PDCD6IP: variants seen among roughly 807,000 people sequenced by gnomAD.
PDCD6IP encodes programmed cell death 6-interacting protein.
A neutral mutation model predicts 103.7 loss-of-function variants in PDCD6IP; 43 were observed. The observed-to-expected ratio is 0.41, with a 90% CI of 0.32 to 0.53. The LOEUF (loss-of-function observed/expected upper bound fraction) is 0.53. Ranked by LOEUF, PDCD6IP falls within the 20% of genes least tolerant of loss-of-function variation. The pLI, the probability that PDCD6IP is intolerant of heterozygous loss-of-function variation, is 0.16. For missense variants in PDCD6IP, 871 were observed against 1,036.7 expected, an observed-to-expected ratio of 0.84 and a Z score of 2.20; for synonymous variants, 354 against 378.7, an observed-to-expected ratio of 0.93 and a Z score of 0.76.
chr3:33,845,398 C>CA (rs1559791454), intron 11 of PDCD6IP, 21 bp from the exon 12 acceptor site: 1 of 1,601,084 alleles, frequency 6.2e-7, no homozygotes. Flanking sequence ...CTGTGCTCTG[C>CA]AAACTTTTAT....
intron 17 of PDCD6IP, 48 bp downstream of exon 17, chr3:33,865,478 G>T: frequency 6.6e-7 from 1 of 1,505,974 alleles, no homozygotes; most frequent in Non-Finnish European, 8.9e-7. Context: ...GTTGTTTCTA[G>T]GCTCTGGCTA....
At chr3:33,848,704 A>G (rs2125570642) in intron 12 of PDCD6IP, among the ~76,000 whole-genome samples, 1 of 152,222 alleles carries the variant, frequency 6.6e-6, no homozygotes, top group South Asian at 2.1e-4. Context: ...CGCCCGGCCC[A>G]TTGAGGGCAT....
At chr3:33,810,002 G>A (rs78243179) in intron 1 of PDCD6IP, among the ~76,000 whole-genome samples, 3,317 of 152,220 alleles carry the variant, frequency 0.022, 59 homozygotes, top group Non-Finnish European at 0.035. Context: ...TGGTTAAGAT[G>A]GTGTTTGCCA....
intron 4 of PDCD6IP, among the ~76,000 whole-genome samples, 185 bp from the exon 5 acceptor site, chr3:33,825,002 A>G (rs1054165701): frequency 2.6e-5 from 4 of 152,154 alleles, no homozygotes; most frequent in African/African-American, 9.7e-5. Flanking sequence ...TTGTTACGCT[A>G]TAGAGTTTTA....
intron 3 of PDCD6IP, among the ~76,000 whole-genome samples, chr3:33,817,613 C>T (rs1375199720): frequency 6.6e-6 from 1 of 151,852 alleles, no homozygotes; most frequent in Non-Finnish European, 1.5e-5. Context: ...ATTAGCCAGA[C>T]ATGGTGGTGT....
intron 1 of PDCD6IP, among the ~76,000 whole-genome samples, chr3:33,810,571 C>T (rs1194135888): frequency 2.0e-5 from 3 of 152,214 alleles, no homozygotes; most frequent in African/African-American, 7.2e-5. Context: ...TATAGGCCCT[C>T]TTAGCATATA....
chr3:33,836,795 G>T (rs1408571824), intron 8 of PDCD6IP, among the ~76,000 whole-genome samples: 2 of 151,804 alleles, frequency 1.3e-5, no homozygotes, highest in Non-Finnish European at 2.9e-5. Context: ...GGAGGTGGAG[G>T]TTGCAGTGAG....
At chr3:33,828,249 G>T (rs889529367) in intron 6 of PDCD6IP, among the ~76,000 whole-genome samples, 1 of 152,052 alleles carries the variant, frequency 6.6e-6, no homozygotes, top group Non-Finnish European at 1.5e-5. Flanking sequence ...ATATGTTTTT[G>T]AGTATATGAC....
chr3:33,865,369 G>A lies in PDCD6IP; in HGVS notation c.2371G>A (p.Gly791Ser). Residue 791 changes from glycine (G) to serine (S), a missense_variant, in exon 17 of 18, where the codon GGC (glycine) becomes AGC (serine). Gly to Ser is a moderately conservative substitution (Grantham distance 56). Coordinates refer to ENST00000307296, the MANE Select transcript of PDCD6IP (RefSeq NM_013374.6). ...TGCGCCAGCTCCATCACAAACGCCTGGCTCAGCTCCTCCTCCACAGGCGCA... is the reference window on the plus strand; with the variant it reads ...TGCGCCAGCTCCATCACAAACGCCTAGCTCAGCTCCTCCTCCACAGGCGCA... ...TAAPAPSQTP[G>S]SAPPPQAQGP... 6.2e-7 allele frequency: 1 copy of A among 1,600,602 alleles called. No homozygotes were observed.
intron 4 of PDCD6IP, 37 bp from the exon 5 acceptor site, chr3:33,825,150 T>C (rs376588720): frequency 4.1e-5 from 65 of 1,573,452 alleles, no homozygotes; most frequent in Non-Finnish European, 5.5e-5. Flanking sequence ...TAAGTCTTGC[T>C]GAGTTCCTAT....
At chr3:33,818,422 T>G (rs1019606301) in intron 3 of PDCD6IP, among the ~76,000 whole-genome samples, 1 of 151,688 alleles carries the variant, frequency 6.6e-6, no homozygotes, top group Non-Finnish European at 1.5e-5. Context: ...TTTAATTTTG[T>G]TCCTTGCTCT....
chr3:33,813,363 A>T, intron 2 of PDCD6IP, 196 bp from the exon 3 acceptor site: 1 of 464,994 alleles, frequency 2.2e-6, no homozygotes, highest in Non-Finnish European at 3.8e-6. Context: ...ACCATTTGAA[A>T]TATCCCAGTG....
intron 1 of PDCD6IP, among the ~76,000 whole-genome samples, chr3:33,804,438 CTG>C (rs1003254352): frequency 2.0e-5 from 3 of 152,216 alleles, no homozygotes; most frequent in East Asian, 1.9e-4. Flanking sequence ...AATGGAGAGT[CTG>C]TGTGAACCAT....
At chr3:33,813,527 C>T (rs1332106308) in intron 2 of PDCD6IP, 32 bp from the exon 3 acceptor site, 1 of 1,346,960 alleles carries the variant, frequency 7.4e-7, no homozygotes, top group South Asian at 1.3e-5. Flanking sequence ...AGGAAGGTTA[C>T]CTAATTTTCT....
chr3:33,853,320 G>GT (rs1228074849), intron 13 of PDCD6IP, among the ~76,000 whole-genome samples: 8 of 151,856 alleles, frequency 5.3e-5, no homozygotes, highest in Middle Eastern at 6.8e-3. Context: ...AATAGCTTTG[G>GT]TTTTTTTTCC....
intron 1 of PDCD6IP, among the ~76,000 whole-genome samples, chr3:33,809,271 G>A (rs1696664753): frequency 6.6e-6 from 1 of 152,082 alleles, no homozygotes; most frequent in African/African-American, 2.4e-5. Context: ...TCCTAAAACT[G>A]GTGCATAGTA....
At chr3:33,842,908 T>A (rs1697508910) in intron 10 of PDCD6IP, among the ~76,000 whole-genome samples, 1 of 152,232 alleles carries the variant, frequency 6.6e-6, no homozygotes, top group Non-Finnish European at 1.5e-5. Flanking sequence ...TTTCCTGTAC[T>A]TATTTGTGGG....
Position 33,798,776 on chromosome 3 carries a change from C to G in PDCD6IP, c.48C>G (p.Asp16Glu), listed in dbSNP as rs1696392291. 1.3e-6 allele frequency: 2 copies of G among 1,573,964 alleles called. No homozygotes were observed. The highest frequency in any genetic ancestry group is 1.7e-6 in the Non-Finnish European group (2 of 1,160,754). ...AGCTGAAAAAGACCTCAGAGGTGGA[C>G]CTGGCCAAGCCGCTGGTGAAGTTCA... Reference protein sequence around the residue: ...SVQLKKTSEVDLAKPLVKFIQ... With the variant: ...SVQLKKTSEVELAKPLVKFIQ... The change falls in exon 1 of 18, where the codon GAC becomes GAG. Residue 16 changes from aspartate (D) to glutamate (E), a missense_variant. Physicochemically the swap from Asp to Glu is conservative, Grantham distance 45 (BLOSUM62 2). Coordinates refer to ENST00000307296, the MANE Select transcript of PDCD6IP (RefSeq NM_013374.6).
intron 12 of PDCD6IP, 105 bp from the exon 13 acceptor site, chr3:33,852,383 A>G (rs1697733260): frequency 3.5e-6 from 5 of 1,423,054 alleles, no homozygotes; most frequent in Non-Finnish European, 4.6e-6. Flanking sequence ...CTGAGAAATC[A>G]TCTCTCTCTC....
Sources: gnomAD v4.1 joint callset for allele counts (sites outside exome capture counted in the v4.1 genomes callset) on GRCh38, gnomAD v4.1.1 for gene constraint, MANE v1.5 for transcripts, NCBI Gene and HGNC (gene_info 2026-07-23, HGNC 2026-07-21) for gene names.